The following RBFOX3 variants were observed in gnomAD, a reference collection of about 807,000 sequenced individuals.
RBFOX3 encodes RNA binding fox-1 homolog 3.
Under a neutral mutation model 48.7 loss-of-function variants are expected in RBFOX3, and 17 were observed. The ratio of observed to expected loss-of-function variants is 0.35; its 90% CI spans 0.24 to 0.52. The LOEUF (loss-of-function observed/expected upper bound fraction) is 0.52, where lower values mean the gene tolerates loss of function less well. RBFOX3 is among the 20% of genes least tolerant of loss of function. RBFOX3 has a pLI of 0.94. For synonymous variants in RBFOX3, 212 were observed against 209.5 expected, an observed-to-expected ratio of 1.01 and a Z score of -0.10; for missense variants, 382 against 497.5, an observed-to-expected ratio of 0.77 and a Z score of 2.21.
In RBFOX3 at chr17:79,103,142, C is replaced by T. The variant is rs1189113158; in HGVS notation, c.507+20G>A. 6.5e-7 allele frequency: 1 copy of T among 1,539,014 alleles called. No homozygotes were observed. Among genetic ancestry groups the T allele is most frequent in the Non-Finnish European group, 8.8e-7 (1 of 1,135,996 alleles). ...GGGCGATCTTGGGGCATCCCTGCCG[C>T]AGCACACTTATCTGAGCACCTCAAT... On this transcript the variant is annotated intron_variant, in intron 8 of 14. Transcript: ENST00000693108. This position sits in a 1 kb window ranked among gnomAD's most constrained non-coding sequence, Gnocchi z 6.1.
At chr17:79,491,513 G>T (rs2080649533) in intron 1 of RBFOX3, among the ~76,000 whole-genome samples, 1 of 152,028 alleles carries the variant, frequency 6.6e-6, no homozygotes, top group Admixed American at 6.5e-5. Flanking sequence ...CGGAAGGGCG[G>T]ATGGAGTTAG....
the RBFOX3 span, among the ~76,000 whole-genome samples, chr17:79,659,628 C>T: frequency 1.3e-5 from 2 of 152,118 alleles, no homozygotes; most frequent in Admixed American, 6.5e-5. Flanking sequence ...TGGACCCTCC[C>T]CACTCCCCAG....
intron 4 of RBFOX3, among the ~76,000 whole-genome samples, chr17:79,126,742 G>A (rs979977871): frequency 1.3e-5 from 2 of 152,124 alleles, no homozygotes; most frequent in South Asian, 2.1e-4. Context: ...AGCCCAGCCC[G>A]CCAGACAAAG....
intron 2 of RBFOX3, among the ~76,000 whole-genome samples, chr17:79,465,197 C>A (rs1407004997): frequency 6.6e-6 from 1 of 152,244 alleles, no homozygotes; most frequent in African/African-American, 2.4e-5. Context: ...GGCCTCCCCT[C>A]ACCCCGACAC....
intron 2 of RBFOX3, among the ~76,000 whole-genome samples, chr17:79,431,089 A>G (rs2068351981): frequency 6.6e-6 from 1 of 152,344 alleles, no homozygotes; most frequent in African/African-American, 2.4e-5. Context: ...GTCTAAAAAC[A>G]TGAGGTCAAG....
intron 4 of RBFOX3, among the ~76,000 whole-genome samples, chr17:79,125,606 G>C (rs973580629): frequency 2.6e-5 from 4 of 152,258 alleles, no homozygotes; most frequent in African/African-American, 4.8e-5. Context: ...GCCGTGGATG[G>C]AGCCCCTCCC....
intron 1 of RBFOX3, among the ~76,000 whole-genome samples, chr17:79,561,725 T>A (rs1203455359): frequency 6.6e-6 from 1 of 151,798 alleles, no homozygotes; most frequent in African/African-American, 2.4e-5. Flanking sequence ...CCGGCCCGAG[T>A]CACAGAGCAG....
intron 2 of RBFOX3, among the ~76,000 whole-genome samples, chr17:79,430,038 C>G (rs1269250576): frequency 1.3e-5 from 2 of 152,168 alleles, no homozygotes; most frequent in Non-Finnish European, 2.9e-5. Flanking sequence ...GTGGGGGAGC[C>G]TGGTGCTTCA....
At chr17:79,519,679 C>G (rs2085772152) in intron 1 of RBFOX3, among the ~76,000 whole-genome samples, 1 of 152,216 alleles carries the variant, frequency 6.6e-6, no homozygotes, top group South Asian at 2.1e-4. Flanking sequence ...GAAAGAGCAT[C>G]CCTGTTTACC....
intron 4 of RBFOX3, among the ~76,000 whole-genome samples, chr17:79,223,229 T>TAC (rs1197043920): frequency 6.6e-6 from 1 of 152,082 alleles, no homozygotes; most frequent in Non-Finnish European, 1.5e-5. Flanking sequence ...TGTGTATCTG[T>TAC]ACACACACAC....
At chr17:79,605,858 G>A (rs1000798819) in intron 1 of RBFOX3, among the ~76,000 whole-genome samples, 177 of 152,174 alleles carry the variant, frequency 1.2e-3, no homozygotes, top group African/African-American at 4.1e-3. Flanking sequence ...TGGAACCCAC[G>A]AGCCCTGGCC....
intron 2 of RBFOX3, among the ~76,000 whole-genome samples, chr17:79,388,419 G>T (rs1317166750): frequency 6.6e-6 from 1 of 152,160 alleles, no homozygotes; most frequent in Admixed American, 6.5e-5. Context: ...CCCACGCATG[G>T]AGCCTGTTCC....
At chr17:79,551,790 C>T (rs2091184644) in intron 1 of RBFOX3, among the ~76,000 whole-genome samples, 1 of 152,210 alleles carries the variant, frequency 6.6e-6, no homozygotes, top group Non-Finnish European at 1.5e-5. Flanking sequence ...TCCCCTTCAC[C>T]TTCCGCTGTG....
At chr17:79,557,467 G>C (rs1417171465) in intron 1 of RBFOX3, among the ~76,000 whole-genome samples, 1 of 151,536 alleles carries the variant, frequency 6.6e-6, no homozygotes, top group Admixed American at 6.6e-5. Flanking sequence ...CACAGCTGCA[G>C]TCTCTGAGAT....
At chr17:79,393,252 CA>C (rs2061564248) in intron 2 of RBFOX3, among the ~76,000 whole-genome samples, 1 of 152,222 alleles carries the variant, frequency 6.6e-6, no homozygotes, top group South Asian at 2.1e-4. Context: ...TGCTGCAGCA[CA>C]GGGGGAAAGG....
intron 4 of RBFOX3, among the ~76,000 whole-genome samples, chr17:79,141,576 G>C (rs564454476): frequency 8.5e-5 from 13 of 152,142 alleles, no homozygotes; most frequent in Non-Finnish European, 1.6e-4. Context: ...GGTGGGGCTG[G>C]GTCTCCTGAT....
At position 79,276,558 on chromosome 17, in the gene RBFOX3, G is replaced by A. The variant is rs376439935; in HGVS notation, c.-74+31166C>T. Among the ~76,000 whole-genome samples, 64 of 152,144 alleles carry A rather than the reference G, an allele frequency of 4.2e-4. 1 individual carries two copies. Among genetic ancestry groups the A allele is most frequent in the African/African-American group, 8.7e-4 (36 of 41,516 alleles). On this transcript the variant is annotated intron_variant, in intron 3 of 14. Transcript: ENST00000693108. ...AAATCAGCTGGGTCTGGTGGTGGGC[G>A]CCTGTAATCCCAGCTGCTCGGGAGG... is the stretch of plus-strand genomic sequence containing the variant.
intron 2 of RBFOX3, among the ~76,000 whole-genome samples, chr17:79,343,582 C>T (rs1476444863): frequency 1.3e-5 from 2 of 152,096 alleles, no homozygotes; most frequent in African/African-American, 2.4e-5. Flanking sequence ...TGTCATTTAG[C>T]TTCTTGAGCA....
At chr17:79,278,195 A>G (rs2069376181) in intron 3 of RBFOX3, among the ~76,000 whole-genome samples, 1 of 151,988 alleles carries the variant, frequency 6.6e-6, no homozygotes, top group Non-Finnish European at 1.5e-5. Flanking sequence ...GAGAGGCAGC[A>G]CCAGAACTCC....
Sources: allele counts gnomAD v4.1 joint callset (sites outside exome capture counted in the v4.1 genomes callset), GRCh38; gene constraint gnomAD v4.1.1; non-coding constraint Gnocchi (gnomAD v3.1); transcripts MANE v1.5; gene names NCBI Gene and HGNC (gene_info 2026-07-23, HGNC 2026-07-21).